The following DPY19L4 variants were observed in gnomAD, a reference collection of about 807,000 sequenced individuals.
DPY19L4 encodes dpy-19 like 4, also known as probable C-mannosyltransferase DPY19L4.
In DPY19L4, 97 loss-of-function variants were observed where a neutral mutation model predicts 102.8. That is an observed-to-expected ratio of 0.94 (90% CI 0.80 to 1.12). The LOEUF (loss-of-function observed/expected upper bound fraction) is 1.12, where lower values mean the gene tolerates loss of function less well. Ranked by LOEUF, DPY19L4 falls within the 50% of genes most tolerant of loss-of-function variation. The pLI is 0.00. For synonymous variants in DPY19L4, 252 were observed against 283.1 expected, an observed-to-expected ratio of 0.89 and a Z score of 1.10; for missense variants, 815 against 850.4, an observed-to-expected ratio of 0.96 and a Z score of 0.52.
At chr8:94,764,516 C>T (rs1371621358) in intron 8 of DPY19L4, among the ~76,000 whole-genome samples, 1 of 144,662 alleles carries the variant, frequency 6.9e-6, no homozygotes, top group Non-Finnish European at 1.5e-5. Flanking sequence ...GCAGAGCTTG[C>T]AGTCAGCCGA....
rs1033635672 is a variant in DPY19L4 at position 94,788,141 on chromosome 8, T to C, written c.2007+89T>C. 368 of 680,182 alleles carry C rather than the reference T, an allele frequency of 5.4e-4. 3 individuals carry two copies. In the African/African-American group the frequency reaches 6.6e-3, roughly 12 times the overall value. The allele number at this position is 680,182 out of a possible 1,614,324, so 42.1% of individuals were successfully genotyped here. On this transcript the variant is annotated intron_variant, in intron 18 of 18. Coordinates refer to ENST00000414645, the MANE Select transcript of DPY19L4 (RefSeq NM_181787.3). ...CTTTAAACTTATAATCTTTAAACTT[T>C]ATTTTTAGAACTTAACTAAGAATAT...
At chr8:94,784,642 C>T (rs1418791570) in intron 17 of DPY19L4, among the ~76,000 whole-genome samples, 1 of 152,192 alleles carries the variant, frequency 6.6e-6, no homozygotes, top group Non-Finnish European at 1.5e-5. Flanking sequence ...GTTGATCAGG[C>T]TGGTGGCAAA....
intron 13 of DPY19L4, among the ~76,000 whole-genome samples, chr8:94,773,216 A>AG (rs1356072275): frequency 6.7e-6 from 1 of 150,036 alleles, no homozygotes; most frequent in Admixed American, 6.6e-5. Context: ...TCCGTATCAA[A>AG]AAAAAAAAAA....
intron 7 of DPY19L4, among the ~76,000 whole-genome samples, chr8:94,756,602 G>A (rs960353814): frequency 1.3e-5 from 2 of 152,180 alleles, no homozygotes; most frequent in African/African-American, 4.8e-5. Context: ...CTGTGACTGA[G>A]GTATAGGTAG....
At chr8:94,785,369 G>A (rs1464371337) in intron 17 of DPY19L4, among the ~76,000 whole-genome samples, 3 of 152,126 alleles carry the variant, frequency 2.0e-5, no homozygotes, top group African/African-American at 7.2e-5. Context: ...GAACAATTCC[G>A]CCTACAAAAG....
At chr8:94,781,904 A>G (rs928961965) in intron 16 of DPY19L4, among the ~76,000 whole-genome samples, 12 of 152,246 alleles carry the variant, frequency 7.9e-5, no homozygotes, top group African/African-American at 2.7e-4. Flanking sequence ...ATTAACATTA[A>G]AAGTGGTTTG....
At chr8:94,758,919 G>A (rs1306065356) in intron 7 of DPY19L4, among the ~76,000 whole-genome samples, 1 of 152,060 alleles carries the variant, frequency 6.6e-6, no homozygotes, top group Non-Finnish European at 1.5e-5. Context: ...ATTTTTAGTA[G>A]AGACGGAGTT....
intron 6 of DPY19L4, among the ~76,000 whole-genome samples, chr8:94,743,090 C>CA (rs550584497): frequency 2.0e-5 from 3 of 152,024 alleles, no homozygotes; most frequent in Non-Finnish European, 4.4e-5. Flanking sequence ...TGTAATGGCA[C>CA]AATCTCGGCT....
chr8:94,723,028 C>G (rs921463964), intron 1 of DPY19L4, among the ~76,000 whole-genome samples: 2 of 152,164 alleles, frequency 1.3e-5, no homozygotes, highest in Non-Finnish European at 2.9e-5. Flanking sequence ...CTATGTCTAG[C>G]CTGGATAGAC....
chr8:94,741,486 C>G (rs969715903), intron 6 of DPY19L4, among the ~76,000 whole-genome samples: 2 of 152,172 alleles, frequency 1.3e-5, no homozygotes, highest in Non-Finnish European at 2.9e-5. Flanking sequence ...ACCTTCAAGT[C>G]ACTATTAGAA....
In DPY19L4 at chr8:94,765,208, T is replaced by C; in HGVS notation, c.896T>C (p.Ile299Thr). The C allele has an allele frequency of 6.4e-7, 1 of 1,561,410 alleles. No individual in the cohort carries two copies. ...GTTTATGAAGTTTATAAAATCTACATATTTTCCCTCTTTCTGGGATATTTA... is the reference window on the plus strand; with the variant it reads ...GTTTATGAAGTTTATAAAATCTACACATTTTCCCTCTTTCTGGGATATTTA... Reference protein sequence around the residue: ...DKVYEVYKIYIFSLFLGYLLQ... With the variant: ...DKVYEVYKIYTFSLFLGYLLQ... The change falls in exon 9 of 19, where the codon ATA becomes ACA. Residue 299 changes from isoleucine to threonine, a missense_variant. Physicochemically the swap from Ile to Thr is moderately conservative, Grantham distance 89 (BLOSUM62 -1). Coordinates refer to ENST00000414645, the MANE Select transcript of DPY19L4 (RefSeq NM_181787.3).
At chr8:94,730,972 C>T (rs372527542) in intron 2 of DPY19L4, among the ~76,000 whole-genome samples, 1 of 148,910 alleles carries the variant, frequency 6.7e-6, no homozygotes, top group Admixed American at 6.7e-5. Context: ...CTCAAACTCC[C>T]GACCTCAGGT....
At chr8:94,764,617 C>T (rs1183044292) in intron 8 of DPY19L4, among the ~76,000 whole-genome samples, 2 of 138,212 alleles carry the variant, frequency 1.4e-5, no homozygotes, top group Non-Finnish European at 3.0e-5. Context: ...GTTAATTACA[C>T]ACTATTTTAT....
At chr8:94,784,064 CA>C (rs1248848980) in intron 17 of DPY19L4, among the ~76,000 whole-genome samples, 2 of 152,304 alleles carry the variant, frequency 1.3e-5, no homozygotes, top group East Asian at 3.9e-4. Flanking sequence ...CACAAAGTAT[CA>C]AGGGACCTAA....
In DPY19L4 at chr8:94,725,709, C is replaced by G. The variant is rs565078112; in HGVS notation, c.17-622C>G. 1.4e-3 allele frequency among the ~76,000 whole-genome samples: 215 copies of G among 152,250 alleles called. 1 individual carries two copies. Among genetic ancestry groups the G allele is most frequent in the African/African-American group, 4.9e-3 (204 of 41,562 alleles). On this transcript the variant is annotated intron_variant, in intron 1 of 18. Transcript: ENST00000414645. Reference sequence around the variant, plus strand: ...GGAGTGCAGTGGCACGATCTCGGCTCACTGCAAGCTCCGCCTTCTGGGTTC... The same window carrying G: ...GGAGTGCAGTGGCACGATCTCGGCTGACTGCAAGCTCCGCCTTCTGGGTTC...
chr8:94,749,276 C>T (rs957371046), intron 6 of DPY19L4, among the ~76,000 whole-genome samples: 1 of 152,116 alleles, frequency 6.6e-6, no homozygotes, highest in Admixed American at 6.5e-5. Flanking sequence ...GAAAACCAGT[C>T]CCTGGTGCCA....
At chr8:94,750,561 CTGTGTG>C (rs143871399) in intron 6 of DPY19L4, among the ~76,000 whole-genome samples, 1 of 150,580 alleles carries the variant, frequency 6.6e-6, no homozygotes, top group East Asian at 1.9e-4. Flanking sequence ...ATATGTGTAT[CTGTGTG>C]TGTGTGTGTG....
At chr8:94,755,052 T>C (rs1463594133) in intron 6 of DPY19L4, among the ~76,000 whole-genome samples, 2 of 152,150 alleles carry the variant, frequency 1.3e-5, no homozygotes, top group African/African-American at 4.8e-5. Context: ...CCTCCCAAAT[T>C]GCTAGGATTA....
chr8:94,747,695 A>T lies in DPY19L4; in HGVS notation c.611+7905A>T, dbSNP rs189105685. On this transcript the variant is annotated intron_variant, in intron 6 of 18. Coordinates refer to ENST00000414645, the MANE Select transcript of DPY19L4 (RefSeq NM_181787.3). Reference sequence around the variant, plus strand: ...TGCCTCAGCTTCCCGAGTAGCTAGGACTATAGGTGCCTGCCACTATGCCTG... The same window carrying T: ...TGCCTCAGCTTCCCGAGTAGCTAGGTCTATAGGTGCCTGCCACTATGCCTG... Among the ~76,000 whole-genome samples the T allele has an allele frequency of 2.0e-3, 309 of 151,464 alleles. 1 individual carries two copies. Among genetic ancestry groups the T allele is most frequent in the Non-Finnish European group, 3.2e-3 (220 of 67,920 alleles).
Sources: gnomAD v4.1 joint callset for allele counts (sites outside exome capture counted in the v4.1 genomes callset) on GRCh38, gnomAD v4.1.1 for gene constraint, MANE v1.5 for transcripts, NCBI Gene and HGNC (gene_info 2026-07-23, HGNC 2026-07-21) for gene names.